Variants in SLC41A3 observed in about 807,000 individuals in gnomAD.
The protein encoded by SLC41A3 is solute carrier family 41 member 3, also known as SLC41A1-like 2.
In SLC41A3, 44 loss-of-function variants were observed where a neutral mutation model predicts 45.4. That is an observed-to-expected ratio of 0.97 (90% CI 0.76 to 1.25). SLC41A3 has a LOEUF of 1.25. Among genes scored for constraint, SLC41A3 ranks in the 50% most tolerant of loss-of-function variants. SLC41A3 has a pLI of 0.00. For missense variants in SLC41A3, 550 were observed against 600.6 expected (o/e 0.92, Z 0.88); for synonymous variants, 256 against 252.4 (o/e 1.01, Z -0.13).
intron 2 of SLC41A3, among the ~76,000 whole-genome samples, chr3:126,052,882 A>C (rs1943427857): frequency 6.6e-6 from 1 of 152,128 alleles, no homozygotes; most frequent in African/African-American, 2.4e-5. Context: ...TCCACTGTGC[A>C]CACAGCACTA....
intron 1 of SLC41A3, among the ~76,000 whole-genome samples, chr3:126,076,578 A>C (rs1944889549): frequency 6.6e-6 from 1 of 152,160 alleles, no homozygotes; most frequent in Admixed American, 6.5e-5. Flanking sequence ...AAAATTATGA[A>C]TCATTTATGA....
intron 1 of SLC41A3, among the ~76,000 whole-genome samples, chr3:126,093,822 A>C (rs1291771550): frequency 6.6e-6 from 1 of 152,220 alleles, no homozygotes; most frequent in African/African-American, 2.4e-5. Flanking sequence ...TAATGGGTAA[A>C]TCAAATTACT....
intron 2 of SLC41A3, among the ~76,000 whole-genome samples, chr3:126,062,731 T>C (rs1159239256): frequency 1.3e-5 from 2 of 152,180 alleles, no homozygotes; most frequent in African/African-American, 4.8e-5. Flanking sequence ...TTAATACAAG[T>C]CTCCAATATC....
chr3:126,056,537 G>A (rs1234978553), intron 2 of SLC41A3: 2 of 1,613,876 alleles, frequency 1.2e-6, no homozygotes, highest in Non-Finnish European at 1.7e-6. Context: ...TCCAGATTCA[G>A]CTGGGTGACC....
chr3:126,067,586 A>G (rs2108015845), intron 2 of SLC41A3: 1 of 461,846 alleles, frequency 2.2e-6, no homozygotes, highest in East Asian at 6.8e-5. Flanking sequence ...AGCCTCTAGA[A>G]CTGTGTGAAA....
chr3:126,050,519 T>C (rs1943258755), intron 3 of SLC41A3, among the ~76,000 whole-genome samples: 2 of 152,180 alleles, frequency 1.3e-5, no homozygotes, highest in African/African-American at 4.8e-5. Context: ...CAGAAGCCAC[T>C]GAGAAAGGTT....
intron 2 of SLC41A3, 55 bp from the exon 3 acceptor site, chr3:126,051,105 G>A: frequency 6.8e-7 from 1 of 1,469,902 alleles, no homozygotes; most frequent in South Asian, 1.5e-5. Context: ...CAAATCTCTG[G>A]AAATTTCTTG....
At chr3:126,031,384 A>C (rs963519403) in intron 4 of SLC41A3, among the ~76,000 whole-genome samples, 1 of 152,204 alleles carries the variant, frequency 6.6e-6, no homozygotes. Flanking sequence ...TTGCAGTATA[A>C]TCTTTCAAGT....
chr3:126,072,953 A>T (rs1416272577), intron 1 of SLC41A3, among the ~76,000 whole-genome samples: 3 of 152,202 alleles, frequency 2.0e-5, no homozygotes, highest in African/African-American at 7.2e-5. Context: ...AAACAAGATC[A>T]TGTCATCTGC....
In SLC41A3 at chr3:126,030,899, G is replaced by A. The variant is rs183259378; in HGVS notation, c.453+2708C>T. ...CAATGTTGGTACAGGAATTTAGGGGGAAACTTTGGCTACAATTTATCTATA... is the reference window on the plus strand; with the variant it reads ...CAATGTTGGTACAGGAATTTAGGGGAAAACTTTGGCTACAATTTATCTATA... On this transcript the variant is annotated intron_variant, in intron 4 of 10. Transcript: ENST00000360370. Among the ~76,000 whole-genome samples the A allele has an allele frequency of 2.6e-5, 4 of 152,246 alleles. No homozygotes were observed. The East Asian group carries it at 7.7e-4, about 29-fold the overall frequency.
At chr3:126,041,936 G>C (rs891703326) in intron 3 of SLC41A3, among the ~76,000 whole-genome samples, 1 of 152,142 alleles carries the variant, frequency 6.6e-6, no homozygotes, top group Non-Finnish European at 1.5e-5. Flanking sequence ...GAATTCCATG[G>C]TGTTTCTGCT....
chr3:126,008,826 A>T lies in SLC41A3; in HGVS notation c.1160T>A (p.Leu387Gln), dbSNP rs146765114. 417 of 1,614,214 alleles carry T rather than the reference A, an allele frequency of 2.6e-4. No individual in the cohort carries two copies. Among genetic ancestry groups the T allele is most frequent in the Non-Finnish European group, 3.5e-4 (409 of 1,180,040 alleles). Residue 387 changes from leucine (L) to glutamine (Q), a missense_variant, in exon 10 of 11, where the codon CTG (leucine) becomes CAG (glutamine). Physicochemically the swap from Leu to Gln is moderately radical, Grantham distance 113. Coordinates refer to ENST00000360370, the MANE Select transcript of SLC41A3 (RefSeq NM_017836.4). The part of the protein sequence containing the change: ...VLLLLVVPGH[L>Q]IFFYIIYLVE... ...CAGGTAGATGATGTAGAAGAAAATC[A>T]GATGGCCTGGGACCACCAGCAAGAG...
intron 2 of SLC41A3, among the ~76,000 whole-genome samples, chr3:126,059,815 G>T (rs2107969008): frequency 6.6e-6 from 1 of 152,276 alleles, no homozygotes; most frequent in East Asian, 1.9e-4. Context: ...CTGTCTTTAA[G>T]GCTGGCCTAG....
chr3:126,042,425 T>A (rs1436691808), intron 3 of SLC41A3, among the ~76,000 whole-genome samples: 1 of 152,166 alleles, frequency 6.6e-6, no homozygotes, highest in Non-Finnish European at 1.5e-5. Context: ...TGAAGATTTT[T>A]CCCTACACAG....
At chr3:126,086,609 C>T (rs190516427), upstream of SLC41A3, among the ~76,000 whole-genome samples, 66 of 148,734 alleles carry the variant, frequency 4.4e-4, no homozygotes, top group Non-Finnish European at 2.4e-4. Context: ...TTTTAATTTC[C>T]CTCTAGCAAA....
chr3:126,073,445 C>T (rs1023907846), intron 1 of SLC41A3, among the ~76,000 whole-genome samples: 1 of 152,030 alleles, frequency 6.6e-6, no homozygotes, highest in Non-Finnish European at 1.5e-5. Context: ...AGAAAAAAAA[C>T]AAAAACAAAC....
chr3:126,027,160 T>C (rs1003258494), intron 4 of SLC41A3, among the ~76,000 whole-genome samples: 33 of 152,254 alleles, frequency 2.2e-4, no homozygotes, highest in African/African-American at 7.9e-4. Context: ...CCAAGTCACA[T>C]GTTGAATTAT....
chr3:126,012,590 G>A lies in SLC41A3; in HGVS notation c.1105+25C>T, dbSNP rs374938608. 9 of 1,612,326 alleles carry A rather than the reference G, an allele frequency of 5.6e-6. No homozygotes were observed. In the African/African-American group the frequency reaches 1.2e-4, roughly 22 times the overall value. On this transcript the variant is annotated intron_variant, in intron 9 of 10. Transcript: ENST00000360370. ...TCTTGTTTAAAGAAATGGCTATCATGGCCTCTGAAAGACATGACACCCACC... is the reference window on the plus strand; with the variant it reads ...TCTTGTTTAAAGAAATGGCTATCATAGCCTCTGAAAGACATGACACCCACC...
intron 2 of SLC41A3, among the ~76,000 whole-genome samples, chr3:126,057,657 T>C (rs1468294350): frequency 6.6e-6 from 1 of 152,228 alleles, no homozygotes; most frequent in Non-Finnish European, 1.5e-5. Context: ...TGGAGTCCAC[T>C]GCCCTCCCCA....
Sources: gnomAD v4.1 joint callset for allele counts (sites outside exome capture counted in the v4.1 genomes callset) on GRCh38, gnomAD v4.1.1 for gene constraint, MANE v1.5 for transcripts, NCBI Gene and HGNC (gene_info 2026-07-23, HGNC 2026-07-21) for gene names.